The following SPOCK1 variants were observed in gnomAD, a reference collection of about 807,000 sequenced individuals.
SPOCK1 encodes the protein SPARC (osteonectin), cwcv and kazal like domains proteoglycan 1, also known as testican-1.
SPOCK1 carries 23 observed loss-of-function variants against 55.3 expected under a neutral mutation model. The ratio of observed to expected loss-of-function variants is 0.42; its 90% CI spans 0.30 to 0.59. The LOEUF (loss-of-function observed/expected upper bound fraction) is 0.59. Ranked by LOEUF, SPOCK1 falls within the 20% of genes least tolerant of loss-of-function variation. SPOCK1 has a pLI of 0.22. For synonymous variants in SPOCK1, 226 were observed against 221.0 expected (o/e 1.02, Z -0.20); for missense variants, 499 against 552.5 (o/e 0.90, Z 0.97).
In SPOCK1 at chr5:137,248,046, T is replaced by C. The variant is rs544051220; in HGVS notation, c.232+18964A>G. Among the ~76,000 whole-genome samples, 138 of 152,274 alleles carry C rather than the reference T, an allele frequency of 9.1e-4. 1 individual carries two copies. The highest frequency in any genetic ancestry group is 3.2e-3 in the African/African-American group (133 of 41,546). Reference sequence around the variant, plus strand: ...AATATAGCAGTTTTAGATAAAAGTTTAGATGCAAAAGGCTTTGGGTTAACT... The same window carrying C: ...AATATAGCAGTTTTAGATAAAAGTTCAGATGCAAAAGGCTTTGGGTTAACT... On this transcript the variant is annotated intron_variant, in intron 3 of 10. Transcript: ENST00000394945.
intron 3 of SPOCK1, among the ~76,000 whole-genome samples, chr5:137,236,620 T>G (rs1756186399): frequency 6.6e-6 from 1 of 152,138 alleles, no homozygotes; most frequent in African/African-American, 2.4e-5. Context: ...TCTCCAGCCC[T>G]TAGGTCCTGA....
intron 2 of SPOCK1, among the ~76,000 whole-genome samples, chr5:137,376,819 G>A (rs1247954473): frequency 6.6e-6 from 1 of 152,140 alleles, no homozygotes; most frequent in Admixed American, 6.5e-5. Context: ...AGATTAGAAG[G>A]TCAACAACAA....
intron 2 of SPOCK1, among the ~76,000 whole-genome samples, chr5:137,326,008 T>G (rs777284439): frequency 4.6e-5 from 7 of 152,204 alleles, no homozygotes; most frequent in Non-Finnish European, 7.3e-5. Flanking sequence ...ATCAGCAGCA[T>G]CTGGGAGTAC....
At chr5:137,083,757 C>T (rs1029887588) in intron 5 of SPOCK1, among the ~76,000 whole-genome samples, 1 of 152,074 alleles carries the variant, frequency 6.6e-6, no homozygotes, top group African/African-American at 2.4e-5. Context: ...CACACATCGC[C>T]CCCAATACCC....
chr5:137,117,440 G>A (rs1173920468), intron 4 of SPOCK1, among the ~76,000 whole-genome samples: 1 of 152,180 alleles, frequency 6.6e-6, no homozygotes, highest in African/African-American at 2.4e-5. Context: ...CAATGTGAAA[G>A]TTCTTTTTGT....
intron 3 of SPOCK1, among the ~76,000 whole-genome samples, chr5:137,252,866 C>T (rs1756562783): frequency 6.6e-6 from 1 of 152,116 alleles, no homozygotes; most frequent in Admixed American, 6.5e-5. Flanking sequence ...TCTGTGGATA[C>T]GGCTCCACAC....
chr5:137,120,202 T>A (rs1753659275), intron 4 of SPOCK1, among the ~76,000 whole-genome samples: 2 of 152,054 alleles, frequency 1.3e-5, no homozygotes, highest in Admixed American at 1.3e-4. Context: ...CAAGACTTGC[T>A]CATATCAGGA....
chr5:137,329,320 A>G (rs1259802998), intron 2 of SPOCK1, among the ~76,000 whole-genome samples: 1 of 151,904 alleles, frequency 6.6e-6, no homozygotes, highest in African/African-American at 2.4e-5. Flanking sequence ...TGCTTGCTCA[A>G]TCTCCATAGT....
intron 2 of SPOCK1, among the ~76,000 whole-genome samples, chr5:137,387,744 C>T (rs191745901): frequency 2.0e-5 from 3 of 152,118 alleles, no homozygotes; most frequent in South Asian, 2.1e-4. Context: ...TCAACTGTAA[C>T]GAATGTGTGA....
At chr5:137,396,973 A>G (rs1418552863) in intron 2 of SPOCK1, among the ~76,000 whole-genome samples, 1 of 152,160 alleles carries the variant, frequency 6.6e-6, no homozygotes, top group Non-Finnish European at 1.5e-5. Flanking sequence ...AACTTTTGCA[A>G]CCATCAACAC....
chr5:137,207,678 A>G (rs1330357936), intron 3 of SPOCK1, among the ~76,000 whole-genome samples: 1 of 152,096 alleles, frequency 6.6e-6, no homozygotes, highest in Non-Finnish European at 1.5e-5. Flanking sequence ...TCAGGAACCA[A>G]TATTTACCGA....
chr5:137,122,105 C>A (rs78780572), intron 4 of SPOCK1, among the ~76,000 whole-genome samples: 6,578 of 151,950 alleles, frequency 0.043, 479 homozygotes, highest in African/African-American at 0.15. Flanking sequence ...GCAGTCTGCA[C>A]TTTCCATTAA....
intron 2 of SPOCK1, among the ~76,000 whole-genome samples, chr5:137,274,760 C>T (rs1330246727): frequency 6.6e-6 from 1 of 152,136 alleles, no homozygotes; most frequent in Non-Finnish European, 1.5e-5. Flanking sequence ...TTTTATTAGT[C>T]TCATGTATGA....
intron 2 of SPOCK1, among the ~76,000 whole-genome samples, chr5:137,458,472 C>A (rs7728656): frequency 1.3e-5 from 2 of 151,938 alleles, no homozygotes; most frequent in African/African-American, 2.4e-5. Context: ...ATCTTTAGCC[C>A]CTAGATGCCT....
chr5:137,069,275 C>T (rs979400579), intron 5 of SPOCK1, among the ~76,000 whole-genome samples: 5 of 152,230 alleles, frequency 3.3e-5, no homozygotes, highest in East Asian at 1.9e-4. Flanking sequence ...ACCGGCTGCC[C>T]ATTCAGGGAG....
At chr5:137,153,136 C>A (rs1344853601) in intron 3 of SPOCK1, among the ~76,000 whole-genome samples, 1 of 152,258 alleles carries the variant, frequency 6.6e-6, no homozygotes, top group African/African-American at 2.4e-5. Flanking sequence ...CTACTCTAGC[C>A]TGCTCTGTGA....
At chr5:137,478,134 A>C (rs1429590022) in intron 2 of SPOCK1, among the ~76,000 whole-genome samples, 3 of 152,200 alleles carry the variant, frequency 2.0e-5, no homozygotes, top group African/African-American at 7.2e-5. Context: ...GCTATGTGTA[A>C]GGCTTGGATA....
At chr5:137,398,059 G>A (rs10061837) in intron 2 of SPOCK1, among the ~76,000 whole-genome samples, 27,312 of 151,908 alleles carry the variant, frequency 0.18, 2,923 homozygotes, top group African/African-American at 0.28. Context: ...CCAGGACACC[G>A]TCTGGGCCAT....
chr5:137,046,289 C>G (rs1274343454), intron 6 of SPOCK1, among the ~76,000 whole-genome samples: 2 of 115,546 alleles, frequency 1.7e-5, no homozygotes, highest in Admixed American at 1.9e-4. Context: ...ATGGAATGTT[C>G]TTCCATTTGT....
Sources: allele counts gnomAD v4.1 joint callset (sites outside exome capture counted in the v4.1 genomes callset), GRCh38; gene constraint gnomAD v4.1.1; transcripts MANE v1.5; gene names NCBI Gene and HGNC (gene_info 2026-07-23, HGNC 2026-07-21).